Variants in TBCK observed in about 807,000 individuals in gnomAD.
TBCK encodes the protein TBC1 domain containing kinase.
Under a neutral mutation model 113.4 loss-of-function variants are expected in TBCK, and 99 were observed. The observed-to-expected ratio is 0.87, with a 90% CI of 0.74 to 1.03. The LOEUF (loss-of-function observed/expected upper bound fraction) is 1.03, where lower values mean the gene tolerates loss of function less well. Ranked by LOEUF, TBCK falls within the 50% of genes least tolerant of loss-of-function variation. The pLI is 0.00. For missense variants in TBCK, 1,045 were observed against 1,061.3 expected, an observed-to-expected ratio of 0.98 and a Z score of 0.21; for synonymous variants, 369 against 370.8, an observed-to-expected ratio of 1.00 and a Z score of 0.05.
intron 25 of TBCK, among the ~76,000 whole-genome samples, chr4:106,090,463 T>C (rs1282507746): frequency 5.9e-5 from 9 of 152,320 alleles, no homozygotes; most frequent in Admixed American, 3.3e-4. Context: ...GTCTTGGCTA[T>C]TAGCACTTGG....
intron 24 of TBCK, among the ~76,000 whole-genome samples, chr4:106,115,094 C>T (rs935127898): frequency 6.6e-6 from 1 of 152,120 alleles, no homozygotes; most frequent in South Asian, 2.1e-4. Context: ...CTATGAATTA[C>T]TTAATAAAGT....
chr4:106,044,498 T>C lies in TBCK; in HGVS notation c.*2072A>G, dbSNP rs1362899617. On this transcript the variant is annotated 3_prime_UTR_variant, in exon 26 of 26. Transcript: ENST00000394708. The stretch of plus-strand genomic sequence containing the variant: ...ATATTAGTGTCTTAGAAATACATAG[T>C]AGGTATTCAAAACATATTTGGTGAA... 2.0e-5 allele frequency: 3 copies of C among 152,140 alleles called. No homozygotes were observed. The East Asian group carries it at 5.8e-4, about 29-fold the overall frequency. The allele number at this position is 152,140 out of a possible 1,614,324, so 9.4% of individuals were successfully genotyped here.
At chr4:106,224,865 G>A (rs1758069509) in intron 19 of TBCK, among the ~76,000 whole-genome samples, 1 of 152,058 alleles carries the variant, frequency 6.6e-6, no homozygotes, top group Admixed American at 6.5e-5. Flanking sequence ...AATTCATCAA[G>A]TATCTTCCTT....
chr4:106,183,740 TG>T (rs1245184886), intron 22 of TBCK, among the ~76,000 whole-genome samples: 1 of 152,056 alleles, frequency 6.6e-6, no homozygotes, highest in African/African-American at 2.4e-5. Context: ...TAAACATTAT[TG>T]GATGTTTTCC....
intron 23 of TBCK, among the ~76,000 whole-genome samples, chr4:106,157,686 T>C (rs949820853): frequency 6.6e-6 from 1 of 152,074 alleles, no homozygotes; most frequent in African/African-American, 2.4e-5. Context: ...GGGGTGGTAT[T>C]GGTGATTCAA....
intron 23 of TBCK, among the ~76,000 whole-genome samples, chr4:106,169,294 G>A (rs1750736429): frequency 6.6e-6 from 1 of 152,038 alleles, no homozygotes; most frequent in Non-Finnish European, 1.5e-5. Flanking sequence ...ACACTTCTGA[G>A]CTTCAAGACA....
intron 25 of TBCK, among the ~76,000 whole-genome samples, chr4:106,084,384 G>C (rs1739257462): frequency 6.6e-6 from 1 of 152,040 alleles, no homozygotes; most frequent in African/African-American, 2.4e-5. Flanking sequence ...GACAAGTATA[G>C]AGAAAAAAGA....
At chr4:106,184,557 A>T (rs1752792248) in intron 22 of TBCK, among the ~76,000 whole-genome samples, 1 of 152,026 alleles carries the variant, frequency 6.6e-6, no homozygotes, top group Admixed American at 6.6e-5. Flanking sequence ...ATAAACCACC[A>T]ATAAGACTAG....
intron 5 of TBCK, among the ~76,000 whole-genome samples, chr4:106,252,580 C>G (rs1761556235): frequency 6.6e-6 from 1 of 151,926 alleles, no homozygotes. Context: ...AGAGATTGTT[C>G]TTTAAAAACA....
chr4:106,109,943 AGCC>A (rs1472315183), intron 24 of TBCK, among the ~76,000 whole-genome samples: 3 of 152,228 alleles, frequency 2.0e-5, no homozygotes, highest in Non-Finnish European at 4.4e-5. Context: ...GGCTGAAGGC[AGCC>A]AAACCCTCTT....
At chr4:106,130,130 T>C (rs1745707988) in intron 23 of TBCK, among the ~76,000 whole-genome samples, 1 of 152,232 alleles carries the variant, frequency 6.6e-6, no homozygotes, top group Non-Finnish European at 1.5e-5. Context: ...CATCTCTAAA[T>C]AAATTCATTT....
intron 22 of TBCK, among the ~76,000 whole-genome samples, chr4:106,172,554 G>A (rs921880936): frequency 6.6e-6 from 1 of 152,022 alleles, no homozygotes; most frequent in South Asian, 2.1e-4. Flanking sequence ...TCCAAGTGTC[G>A]GGCTCAGGCA....
At chr4:106,047,125 T>G (rs1011446759) in intron 25 of TBCK, among the ~76,000 whole-genome samples, 1 of 152,120 alleles carries the variant, frequency 6.6e-6, no homozygotes, top group Non-Finnish European at 1.5e-5. Flanking sequence ...CACTTCAATG[T>G]CCCACAGAGA....
At position 106,171,200 on chromosome 4, in the gene TBCK, G is replaced by T. The variant is rs1750962854; in HGVS notation, c.2130C>A (p.Tyr710Ter). The change falls in exon 23 of 26, where the codon TAC becomes TAA. Residue 710 changes from tyrosine to a stop codon, truncating the protein, a stop_gained. Coordinates refer to ENST00000394708, the MANE Select transcript of TBCK (RefSeq NM_001163435.3). LOFTEE classifies it high-confidence loss of function. ...LFCWTPKSAT[Y>*]RQHAQPPKPS... ...GCTTTGGAGGTTGAGCATGCTGTCT[G>T]TAAGTAGCACTTTTAGGAGTCCAAC... 1 of 1,612,646 alleles carries T rather than the reference G, an allele frequency of 6.2e-7. No individual in the cohort carries two copies.
chr4:106,285,491 A>G (rs1470754516), intron 3 of TBCK, among the ~76,000 whole-genome samples: 1 of 152,100 alleles, frequency 6.6e-6, no homozygotes, highest in Admixed American at 6.5e-5. Flanking sequence ...AAGTCAGCAA[A>G]TTGACACAGA....
chr4:106,073,639 C>T (rs1378566451), intron 25 of TBCK, among the ~76,000 whole-genome samples: 2 of 152,190 alleles, frequency 1.3e-5, no homozygotes, highest in African/African-American at 2.4e-5. Context: ...AACGACTGCT[C>T]TCTTCAGAGC....
At chr4:106,287,413 A>G (rs1196235308) in intron 3 of TBCK, among the ~76,000 whole-genome samples, 1 of 152,128 alleles carries the variant, frequency 6.6e-6, no homozygotes, top group Non-Finnish European at 1.5e-5. Flanking sequence ...ATGGTCTCTA[A>G]GACATTTGTG....
At chr4:106,265,389 T>C (rs1479580758) in intron 3 of TBCK, among the ~76,000 whole-genome samples, 1 of 151,980 alleles carries the variant, frequency 6.6e-6, no homozygotes, top group Non-Finnish European at 1.5e-5. Flanking sequence ...AAGAATTCAA[T>C]TGTACTTTCA....
intron 22 of TBCK, among the ~76,000 whole-genome samples, chr4:106,189,876 A>G (rs1000773695): frequency 7.3e-5 from 11 of 151,628 alleles, no homozygotes; most frequent in African/African-American, 2.7e-4. Context: ...ATTTGCTCCA[A>G]CTTCCTTCAG....
Sources: allele counts gnomAD v4.1 joint callset (sites outside exome capture counted in the v4.1 genomes callset), GRCh38; gene constraint gnomAD v4.1.1; transcripts MANE v1.5; gene names NCBI Gene and HGNC (gene_info 2026-07-23, HGNC 2026-07-21).